The following RO60 variants were observed in gnomAD, a reference collection of about 807,000 sequenced individuals.
The protein encoded by RO60 is Ro60, Y RNA binding protein, also known as RNA-binding protein RO60.
In RO60, 20 loss-of-function variants were observed where a neutral mutation model predicts 55.3. The observed-to-expected ratio is 0.36, with a 90% CI of 0.25 to 0.53. The LOEUF (loss-of-function observed/expected upper bound fraction) is 0.53, where lower values mean the gene tolerates loss of function less well. Among genes scored for constraint, RO60 ranks in the 20% least tolerant of loss-of-function variants. RO60 has a pLI of 0.92. For missense variants in RO60, 558 were observed against 646.6 expected, an observed-to-expected ratio of 0.86 and a Z score of 1.49; for synonymous variants, 213 against 213.6, an observed-to-expected ratio of 1.00 and a Z score of 0.02.
intron 2 of RO60, 22 bp from the exon 3 acceptor site, chr1:193,075,798 T>G: frequency 6.5e-7 from 1 of 1,549,828 alleles, no homozygotes; most frequent in Non-Finnish European, 8.8e-7. Context: ...GCATGCTTTT[T>G]CAATTCTTTA....
chr1:193,067,171 AT>A (rs947412962), intron 1 of RO60, among the ~76,000 whole-genome samples: 34 of 146,660 alleles, frequency 2.3e-4, no homozygotes, highest in African/African-American at 8.3e-4. Context: ...AGAAAAAAAA[AT>A]TTTTTTTCTT....
rs1402362265 is a variant in RO60, at chr1:193,086,265, G to A, written c.*1534G>A. On this transcript the variant is annotated 3_prime_UTR_variant, in exon 9 of 9. Transcript: ENST00000400968. Reference sequence around the variant, plus strand: ...GTTTTATGTGAAATTTGGGCTCTGGGAATAAGAAAATATTCCTTTCAAATT... The same window carrying A: ...GTTTTATGTGAAATTTGGGCTCTGGAAATAAGAAAATATTCCTTTCAAATT... 6.5e-6 allele frequency: 1 copy of A among 154,450 alleles called. No homozygotes were observed. Among genetic ancestry groups the A allele is most frequent in the African/African-American group, 2.4e-5 (1 of 41,418 alleles). 9.6% of individuals were successfully genotyped at this position (154,450 alleles called of 1,614,324 possible).
chr1:193,091,658 A>G (rs764227061), downstream of RO60: 6 of 1,611,878 alleles, frequency 3.7e-6, 1 homozygote, highest in Admixed American at 8.4e-5. Flanking sequence ...TAGCCTTGCA[A>G]AATACCCTAC....
chr1:193,064,596 T>C (rs768754944), intron 1 of RO60, among the ~76,000 whole-genome samples: 1 of 152,236 alleles, frequency 6.6e-6, no homozygotes, highest in Non-Finnish European at 1.5e-5. Flanking sequence ...CTGGTAAATT[T>C]ATATAATCAA....
At chr1:193,081,298 A>G in intron 5 of RO60, 66 bp from the exon 6 acceptor site, 1 of 895,024 alleles carries the variant, frequency 1.1e-6, no homozygotes, top group South Asian at 1.7e-5. Context: ...AGTAAATATG[A>G]TTTAGAAATT....
At position 193,086,683 on chromosome 1, in the gene RO60, C is replaced by T. The variant is rs1674637392; in HGVS notation, c.*1952C>T. The T allele has an allele frequency of 6.6e-6, 1 of 151,924 alleles. No homozygotes were observed. Among genetic ancestry groups the T allele is most frequent in the Non-Finnish European group, 1.5e-5 (1 of 67,948 alleles). 9.4% of individuals were successfully genotyped at this position (151,924 alleles called of 1,614,324 possible). ...ATTACCTTCAGTTGTGTACTATTTC[C>T]ATAATACTTTTAGACAAATATATCT... On this transcript the variant is annotated 3_prime_UTR_variant, in exon 9 of 9. Transcript: ENST00000400968.
At chr1:193,066,229 A>G (rs1422640278) in intron 1 of RO60, among the ~76,000 whole-genome samples, 1 of 152,158 alleles carries the variant, frequency 6.6e-6, no homozygotes, top group African/African-American at 2.4e-5. Context: ...CCCCTTCTCT[A>G]CTGTATCTTC....
rs763511668 is a variant in RO60, at chr1:193,077,060, T to G, written c.1086+10T>G. ...TTATAAAACATTTAAGGTAGTGATA[T>G]GATTTTTGTTTTAAAACAAATGACT... is the stretch of plus-strand genomic sequence containing the variant. On this transcript the variant is annotated intron_variant, in intron 5 of 8. Transcript: ENST00000400968. The G allele has an allele frequency of 6.3e-7, 1 of 1,598,440 alleles. No homozygotes were observed. The highest frequency in any genetic ancestry group is 8.5e-7 in the Non-Finnish European group (1 of 1,170,470).
rs1257662853 is a variant in RO60, at chr1:193,087,832, T to C, written c.*3101T>C. On this transcript the variant is annotated 3_prime_UTR_variant, in exon 9 of 9. Transcript: ENST00000400968. ...TGTTTTAGAAAAATAGCTCACTCAATAGGCCTAACAGTGTTTTAAAACATT... is the reference window on the plus strand; with the variant it reads ...TGTTTTAGAAAAATAGCTCACTCAACAGGCCTAACAGTGTTTTAAAACATT... 1 of 151,940 alleles carries C rather than the reference T, an allele frequency of 6.6e-6. No homozygotes were observed. The highest frequency in any genetic ancestry group is 2.4e-5 in the African/African-American group (1 of 41,372). The allele number at this position is 151,940 out of a possible 1,614,324, so 9.4% of individuals were successfully genotyped here.
downstream of RO60, chr1:193,091,552 T>G (rs550965748): frequency 2.7e-5 from 28 of 1,026,474 alleles, no homozygotes; most frequent in South Asian, 3.8e-4. Context: ...AATTTTGCTG[T>G]TTTCTAATAG....
At chr1:193,068,108 A>G (rs370162534) in intron 1 of RO60, among the ~76,000 whole-genome samples, 1 of 152,172 alleles carries the variant, frequency 6.6e-6, no homozygotes, top group Non-Finnish European at 1.5e-5. Flanking sequence ...GAAAACCTCA[A>G]AAGTGTTCTC....
chr1:193,070,818 G>A (rs927804801), intron 2 of RO60, among the ~76,000 whole-genome samples: 3 of 151,340 alleles, frequency 2.0e-5, no homozygotes, highest in Admixed American at 1.3e-4. Flanking sequence ...CTATAACTGG[G>A]GTTTTTCAAA....
At chr1:193,080,226 G>T (rs1674216705) in intron 5 of RO60, among the ~76,000 whole-genome samples, 1 of 152,112 alleles carries the variant, frequency 6.6e-6, no homozygotes, top group Admixed American at 6.5e-5. Context: ...TTCACATCTA[G>T]TTGGATAGCT....
intron 1 of RO60, among the ~76,000 whole-genome samples, chr1:193,062,392 G>A (rs1672841634): frequency 6.6e-6 from 1 of 152,204 alleles, no homozygotes; most frequent in African/African-American, 2.4e-5. Flanking sequence ...TAATTTTTGT[G>A]TAATCAATTG....
rs551092071 is a variant in RO60, at chr1:193,082,479, G to C, written c.1318-83G>C. The C allele has an allele frequency of 1.5e-4, 219 of 1,481,992 alleles. No individual in the cohort carries two copies. In the African/African-American group the frequency reaches 2.6e-3, roughly 17 times the overall value. 91.8% of individuals were successfully genotyped at this position (1,481,992 alleles called of 1,614,324 possible). A position where few individuals can be genotyped will look rare whatever the true frequency, so the allele number is the denominator to read the frequency against. ...AGGCTTTGGGAAGGCTGTATATATT[G>C]GTGCTAAACAAAATGATACTGTAAA... On this transcript the variant is annotated intron_variant, in intron 7 of 8. Coordinates refer to ENST00000400968, the MANE Select transcript of RO60 (RefSeq NM_001173524.2).
chr1:193,060,249 T>A, intron 1 of RO60: 1 of 462,436 alleles, frequency 2.2e-6, no homozygotes, highest in Non-Finnish European at 3.5e-6. Context: ...GCTAGACTAG[T>A]GGAAGGGGAT....
At chr1:193,068,193 G>A (rs1239387871) in intron 1 of RO60, among the ~76,000 whole-genome samples, 1 of 152,202 alleles carries the variant, frequency 6.6e-6, no homozygotes, top group Admixed American at 6.5e-5. Flanking sequence ...GGCAAGGAGA[G>A]CACCATGATT....
At position 193,084,747 on chromosome 1, in the gene RO60, C is replaced by T. The variant is rs773043987; in HGVS notation, c.*16C>T. ...TATGATTTAACCATAAGCAGCAGCA[C>T]GATCCAGAGATCCATTGCCATCAGT... On this transcript the variant is annotated 3_prime_UTR_variant, in exon 9 of 9. Transcript: ENST00000400968. 23 of 1,606,208 alleles carry T rather than the reference C, an allele frequency of 1.4e-5. No homozygotes were observed. Among genetic ancestry groups the T allele is most frequent in the Admixed American group, 8.5e-5 (5 of 58,582 alleles).
At position 193,076,028 on chromosome 1, in the gene RO60, A is replaced by G. The variant is rs776423964; in HGVS notation, c.789A>G (p.Leu263=). Residue 263 remains leucine, a synonymous_variant, in exon 3 of 9, where the codon TTA becomes TTG. Coordinates refer to ENST00000400968, the MANE Select transcript of RO60 (RefSeq NM_001173524.2). ...GAGAACATCTTTTAACAAATCACTT[A>G]AAGTCTAAAGAGGTGAGTGAATTAT... The part of the protein sequence containing the change: ...LVREHLLTNH[L]KSKEVWKALL... The G allele has an allele frequency of 6.2e-6, 10 of 1,603,966 alleles. No individual in the cohort carries two copies. Among genetic ancestry groups the G allele is most frequent in the East Asian group, 2.2e-5 (1 of 44,728 alleles).
Sources: gnomAD v4.1 joint callset for allele counts (sites outside exome capture counted in the v4.1 genomes callset) on GRCh38, gnomAD v4.1.1 for gene constraint, MANE v1.5 for transcripts, NCBI Gene and HGNC (gene_info 2026-07-23, HGNC 2026-07-21) for gene names.